Variants in ALOX5AP observed in about 807,000 individuals in gnomAD.
ALOX5AP encodes arachidonate 5-lipoxygenase-activating protein.
Under a neutral mutation model 18.5 loss-of-function variants are expected in ALOX5AP, and 9 were observed. That is an observed-to-expected ratio of 0.49 (90% CI 0.29 to 0.85). ALOX5AP has a LOEUF of 0.85. Among genes scored for constraint, ALOX5AP ranks in the 40% least tolerant of loss-of-function variants. The pLI is 0.08. For missense variants in ALOX5AP, 172 were observed against 202.5 expected (o/e 0.85, Z 0.91); for synonymous variants, 81 against 78.6 (o/e 1.03, Z -0.16).
chr13:30,725,257 A>C (rs533324381), intron 1 of ALOX5AP, among the ~76,000 whole-genome samples: 2 of 152,390 alleles, frequency 1.3e-5, no homozygotes, highest in South Asian at 2.1e-4. Flanking sequence ...CCTGGGGAAG[A>C]GGCATATGGA....
In ALOX5AP at chr13:30,752,115, C is replaced by T. The variant is rs1186960394; in HGVS notation, c.234C>T (p.Cys78=). The T allele has an allele frequency of 1.9e-6, 3 of 1,614,072 alleles. No individual in the cohort carries two copies. Among genetic ancestry groups the T allele is most frequent in the Non-Finnish European group, 2.5e-6 (3 of 1,179,912 alleles). The change falls in exon 3 of 5, where the codon TGC becomes TGT. Residue 78 remains cysteine, a synonymous_variant. Coordinates refer to ENST00000380490, the MANE Select transcript of ALOX5AP (RefSeq NM_001629.4). ...TGCTCTGGTCTGCGGGGCTACTTTG[C>T]AGCCAAGGTAACTCAGACTTCCCTT... ...LAVLWSAGLL[C]SQVPAAFAGL... is the part of the protein sequence containing the mutation.
upstream of ALOX5AP, chr13:30,735,441 A>C: frequency 2.3e-6 from 2 of 858,676 alleles, no homozygotes; most frequent in Non-Finnish European, 2.9e-6. Context: ...AGTTAAAAAA[A>C]AAAAAAAAAA....
At position 30,764,228 on chromosome 13, in the gene ALOX5AP, T is replaced by C; in HGVS notation, c.*122T>C. 8 of 1,135,312 alleles carry C rather than the reference T, an allele frequency of 7.0e-6. No homozygotes were observed. The highest frequency in any genetic ancestry group is 9.8e-6 in the Non-Finnish European group (8 of 817,462). 70.3% of individuals were successfully genotyped at this position (1,135,312 alleles called of 1,614,324 possible). On this transcript the variant is annotated 3_prime_UTR_variant, in exon 5 of 5. Coordinates refer to ENST00000380490, the MANE Select transcript of ALOX5AP (RefSeq NM_001629.4). ...CTGTAAATCTATTGGCCATCTGGGC[T>C]TCACAGCTTGAGTTAACCTTGCTTT...
In ALOX5AP at chr13:30,735,771, G is replaced by C. The variant is rs528561957; in HGVS notation, c.70+96G>C. ...CTTAAACAATTGTGTCTGTGTGTGC[G>C]CATGCACAAACACTTTTACCTTATC... On this transcript the variant is annotated intron_variant, in intron 1 of 4. Transcript: ENST00000380490. 3.0e-6 allele frequency: 4 copies of C among 1,340,946 alleles called. No homozygotes were observed. The Admixed American group carries it at 6.0e-5, about 20-fold the overall frequency. The allele number at this position is 1,340,946 out of a possible 1,614,324, so 83.1% of individuals were successfully genotyped here. A position where few individuals can be genotyped will look rare whatever the true frequency, so the allele number is the denominator to read the frequency against.
At chr13:30,753,634 C>T (rs1047255873) in intron 3 of ALOX5AP, among the ~76,000 whole-genome samples, 1 of 152,086 alleles carries the variant, frequency 6.6e-6, no homozygotes, top group East Asian at 1.9e-4. Context: ...AGTGCAAATC[C>T]CTCACTTTAT....
intron 1 of ALOX5AP, among the ~76,000 whole-genome samples, chr13:30,743,216 G>A (rs560164939): frequency 2.6e-5 from 4 of 151,936 alleles, no homozygotes; most frequent in Admixed American, 6.5e-5. Flanking sequence ...TGAGGCTCAC[G>A]ACCCCACCTT....
At chr13:30,746,345 A>G (rs530708863) in intron 2 of ALOX5AP, among the ~76,000 whole-genome samples, 3 of 152,232 alleles carry the variant, frequency 2.0e-5, no homozygotes, top group Non-Finnish European at 4.4e-5. Context: ...AGAGGGAAGG[A>G]GAAGGATGAG....
At chr13:30,733,960 C>G (rs1051858516), upstream of ALOX5AP, among the ~76,000 whole-genome samples, 1 of 152,152 alleles carries the variant, frequency 6.6e-6, no homozygotes, top group Admixed American at 6.5e-5. Context: ...CCATTGCCCT[C>G]CTTGATGCTC....
At position 30,744,095 on chromosome 13, in the gene ALOX5AP, A is replaced by T. The variant is rs767974846; in HGVS notation, c.106A>T (p.Thr36Ser). ...FAHKVEHESRTQNGRSFQRTG... is the reference protein window; with the variant it reads ...FAHKVEHESRSQNGRSFQRTG... ...CCATAAAGTGGAGCACGAAAGCAGG[A>T]CCCAGAATGGGAGGAGCTTCCAGAG... The change falls in exon 2 of 5, where the codon ACC (threonine) becomes TCC (serine). Residue 36 changes from threonine to serine, a missense_variant. Coordinates refer to ENST00000380490, the MANE Select transcript of ALOX5AP (RefSeq NM_001629.4). The T allele has an allele frequency of 1.2e-6, 2 of 1,614,154 alleles. No homozygotes were observed. The highest frequency in any genetic ancestry group is 3.3e-5 in the Admixed American group (2 of 60,030).
chr13:30,747,836 G>T (rs1352091253), intron 2 of ALOX5AP, among the ~76,000 whole-genome samples: 1 of 152,010 alleles, frequency 6.6e-6, no homozygotes, highest in Non-Finnish European at 1.5e-5. Context: ...ATCAAAACAT[G>T]TTTTTGGAAT....
intron 2 of ALOX5AP, among the ~76,000 whole-genome samples, chr13:30,744,604 C>T (rs998525946): frequency 1.3e-5 from 2 of 152,126 alleles, no homozygotes; most frequent in African/African-American, 4.8e-5. Context: ...GGAGGTGACA[C>T]CACTGCATTT....
intron 1 of ALOX5AP, among the ~76,000 whole-genome samples, chr13:30,736,447 C>T (rs192993794): frequency 2.1e-4 from 32 of 152,214 alleles, no homozygotes; most frequent in Middle Eastern, 3.4e-3. Flanking sequence ...TTAGGGCTGC[C>T]TCAGACCACT....
At chr13:30,760,685 C>T (rs1022064812) in intron 4 of ALOX5AP, among the ~76,000 whole-genome samples, 8 of 152,210 alleles carry the variant, frequency 5.3e-5, no homozygotes, top group African/African-American at 1.9e-4. Flanking sequence ...GCTGTGGGAC[C>T]TGAGGCAAAT....
chr13:30,737,826 C>T (rs983018756), intron 1 of ALOX5AP, among the ~76,000 whole-genome samples: 5 of 152,150 alleles, frequency 3.3e-5, no homozygotes, highest in African/African-American at 7.2e-5. Flanking sequence ...AAGAGCCCCT[C>T]GTATAGCTCT....
At chr13:30,735,014 G>C (rs12877064), upstream of ALOX5AP, among the ~76,000 whole-genome samples, 1 of 148,610 alleles carries the variant, frequency 6.7e-6, no homozygotes, top group Non-Finnish European at 1.5e-5. Context: ...TTGTGTGTGC[G>C]TGTGTGTGTG....
At chr13:30,731,316 C>G (rs936773452), upstream of ALOX5AP, among the ~76,000 whole-genome samples, 2 of 152,058 alleles carry the variant, frequency 1.3e-5, no homozygotes, top group African/African-American at 4.8e-5. Flanking sequence ...TAAAGCCAGA[C>G]CGGCCTGGGC....
chr13:30,731,375 ATTTTTTTT>A (rs1181273858), upstream of ALOX5AP, among the ~76,000 whole-genome samples: 1 of 140,530 alleles, frequency 7.1e-6, no homozygotes, highest in African/African-American at 2.6e-5. Context: ...CCTTGACCAC[ATTTTTTTT>A]TTTTTTTTAA....
intron 2 of ALOX5AP, among the ~76,000 whole-genome samples, chr13:30,745,540 G>A (rs1951802755): frequency 1.3e-5 from 2 of 152,332 alleles, no homozygotes; most frequent in Middle Eastern, 3.4e-3. Context: ...TATTCCAGCA[G>A]TCTGACCTCA....
intron 1 of ALOX5AP, among the ~76,000 whole-genome samples, chr13:30,724,112 T>C (rs958539732): frequency 2.0e-5 from 3 of 152,128 alleles, no homozygotes; most frequent in African/African-American, 4.8e-5. Flanking sequence ...TAGCCCCAGC[T>C]CCAGGCAACC....
Sources: allele counts gnomAD v4.1 joint callset (sites outside exome capture counted in the v4.1 genomes callset), GRCh38; gene constraint gnomAD v4.1.1; transcripts MANE v1.5; gene names NCBI Gene and HGNC (gene_info 2026-07-23, HGNC 2026-07-21).